Variants in GNB4 observed in about 807,000 individuals in gnomAD.
The protein encoded by GNB4 is G protein subunit beta 4.
A neutral mutation model predicts 45.2 loss-of-function variants in GNB4; 28 were observed. The observed-to-expected ratio is 0.62, with a 90% CI of 0.46 to 0.85. The LOEUF is 0.85. Among genes scored for constraint, GNB4 ranks in the 40% least tolerant of loss-of-function variants. GNB4 has a pLI of 0.00. For synonymous variants in GNB4, 132 were observed against 143.7 expected (o/e 0.92, Z 0.58); for missense variants, 321 against 425.4 (o/e 0.75, Z 2.16).
the GNB4 span, among the ~76,000 whole-genome samples, chr3:179,527,777 C>CGTGTGT: frequency 1.7e-3 from 207 of 122,264 alleles, 2 homozygotes; most frequent in African/African-American, 2.0e-3. Context: ...CTGATAAGTG[C>CGTGTGT]GTGTGTGTAT....
intron 8 of GNB4, among the ~76,000 whole-genome samples, chr3:179,408,551 G>A (rs1245056129): frequency 2.6e-5 from 4 of 152,164 alleles, no homozygotes; most frequent in Admixed American, 6.5e-5. Flanking sequence ...AGCATTTTGG[G>A]AGGCCGAGGC....
At chr3:179,505,774 T>C in the GNB4 span, among the ~76,000 whole-genome samples, 1 of 152,174 alleles carries the variant, frequency 6.6e-6, no homozygotes, top group African/African-American at 2.4e-5. Flanking sequence ...ATCATTGCTC[T>C]TTTCTCCCTA....
the GNB4 span, among the ~76,000 whole-genome samples, chr3:179,501,114 T>C: frequency 6.6e-6 from 1 of 152,338 alleles, no homozygotes; most frequent in East Asian, 1.9e-4. Context: ...AGTAAAAAGC[T>C]ATTCCTTGAA....
chr3:179,473,334 G>T, the GNB4 span, among the ~76,000 whole-genome samples: 1 of 152,042 alleles, frequency 6.6e-6, no homozygotes. Flanking sequence ...AGATTCACAG[G>T]AAGTTGCAAA....
At chr3:179,460,457 A>G in the GNB4 span, among the ~76,000 whole-genome samples, 49,357 of 152,088 alleles carry the variant, frequency 0.32, 8,572 homozygotes, top group African/African-American at 0.46. Flanking sequence ...GTTCCTCTTT[A>G]GTGACAATGA....
intron 8 of GNB4, chr3:179,405,998 A>G (rs1714460598): frequency 6.6e-6 from 1 of 152,190 alleles, no homozygotes; most frequent in Admixed American, 6.5e-5. Context: ...TGTCTACTAA[A>G]GTCTCCTACA....
chr3:179,462,180 G>GTT, the GNB4 span, among the ~76,000 whole-genome samples: 1 of 152,040 alleles, frequency 6.6e-6, no homozygotes, highest in African/African-American at 2.4e-5. Flanking sequence ...GCACATGTGT[G>GTT]TGTGTGTGTG....
At position 179,426,146 on chromosome 3, in the gene GNB4, G is replaced by A. The variant is rs766177994; in HGVS notation, c.55C>T (p.Gln19Ter). The A allele has an allele frequency of 6.3e-7, 1 of 1,598,576 alleles. No homozygotes were observed. The highest frequency in any genetic ancestry group is 8.5e-7 in the Non-Finnish European group (1 of 1,176,112). The change falls in exon 2 of 10, where the codon CAG becomes TAG. Residue 19 changes from glutamine to a stop codon, truncating the protein, a stop_gained and splice_region_variant. Coordinates refer to ENST00000232564, the MANE Select transcript of GNB4 (RefSeq NM_021629.4). LOFTEE classifies it high-confidence loss of function. ...QEAEQLRNQI[Q>*]DARKACNDAT... ...ATTTTGAAATGAAAAGGTTTTACCT[G>A]AATCTGATTCCGCAGTTGTTCTGCT...
intron 2 of GNB4, among the ~76,000 whole-genome samples, chr3:179,425,743 T>A (rs547349984): frequency 2.0e-5 from 3 of 152,328 alleles, no homozygotes; most frequent in East Asian, 1.9e-4. Context: ...AGTGCTGGGA[T>A]TACAGGCATG....
chr3:179,412,151 T>C (rs1714670236), intron 8 of GNB4, among the ~76,000 whole-genome samples: 1 of 152,188 alleles, frequency 6.6e-6, no homozygotes, highest in South Asian at 2.1e-4. Context: ...AGGTAGTTTT[T>C]TTAAATACGA....
the GNB4 span, among the ~76,000 whole-genome samples, chr3:179,468,031 T>TAAAAA: frequency 1.5e-5 from 1 of 67,284 alleles, no homozygotes; most frequent in African/African-American, 6.1e-5. Flanking sequence ...ATTTTGTTGA[T>TAAAAA]AAAAATATAT....
chr3:179,418,591 G>A (rs1714881548), intron 4 of GNB4, among the ~76,000 whole-genome samples: 1 of 151,916 alleles, frequency 6.6e-6, no homozygotes, highest in Non-Finnish European at 1.5e-5. Flanking sequence ...ATATTATTGT[G>A]GTCAAGTATC....
At chr3:179,445,380 G>A (rs747500400) in intron 1 of GNB4, among the ~76,000 whole-genome samples, 1 of 151,916 alleles carries the variant, frequency 6.6e-6, no homozygotes, top group Non-Finnish European at 1.5e-5. Context: ...TGCCTCTTGC[G>A]CTCAATCAAT....
At chr3:179,495,178 A>G in the GNB4 span, among the ~76,000 whole-genome samples, 1 of 152,138 alleles carries the variant, frequency 6.6e-6, no homozygotes, top group Non-Finnish European at 1.5e-5. Context: ...ACTTGAGCTT[A>G]GGAGTTAGAG....
At chr3:179,521,695 G>C in the GNB4 span, among the ~76,000 whole-genome samples, 6 of 152,068 alleles carry the variant, frequency 3.9e-5, no homozygotes, top group African/African-American at 1.2e-4. Context: ...AATAATCTTT[G>C]CTGGCAGGGC....
intron 4 of GNB4, among the ~76,000 whole-genome samples, chr3:179,418,489 G>GAA (rs1172785195): frequency 3.0e-5 from 4 of 134,242 alleles, no homozygotes; most frequent in Non-Finnish European, 6.3e-5. Flanking sequence ...AAAAAAAAAA[G>GAA]AAAAAAGAAA....
At chr3:179,422,535 C>A (rs1472716993) in intron 2 of GNB4, among the ~76,000 whole-genome samples, 2 of 151,366 alleles carry the variant, frequency 1.3e-5, no homozygotes, top group Non-Finnish European at 2.9e-5. Flanking sequence ...AGGCTGAATT[C>A]CATACTGTCC....
intron 1 of GNB4, among the ~76,000 whole-genome samples, chr3:179,430,453 G>GATTC (rs772248461): frequency 1.7e-3 from 265 of 151,590 alleles, no homozygotes; most frequent in Middle Eastern, 3.4e-3. Flanking sequence ...CTCCACTGGT[G>GATTC]ATTCATTCAT....
rs1432540962 is a variant in GNB4, at chr3:179,398,734, G to T, written c.*2479C>A. 6.6e-6 allele frequency: 1 copy of T among 151,362 alleles called. No homozygotes were observed. Among genetic ancestry groups the T allele is most frequent in the East Asian group, 1.9e-4 (1 of 5,188 alleles). The allele number at this position is 151,362 out of a possible 1,614,324, so 9.4% of individuals were successfully genotyped here. ...AAGTAAACAAATATATTTAGCAACT[G>T]GAGCCCCTATTATTAGAAAGCAAAG... On this transcript the variant is annotated 3_prime_UTR_variant, in exon 10 of 10. Transcript: ENST00000232564.
Sources: gnomAD v4.1 joint callset for allele counts (sites outside exome capture counted in the v4.1 genomes callset) on GRCh38, gnomAD v4.1.1 for gene constraint, MANE v1.5 for transcripts, NCBI Gene and HGNC (gene_info 2026-07-23, HGNC 2026-07-21) for gene names.